Variants in ULK4 observed in about 807,000 individuals in gnomAD.
ULK4 encodes inactive serine/threonine-protein kinase ULK4.
A neutral mutation model predicts 160.6 loss-of-function variants in ULK4; 133 were observed. That is an observed-to-expected ratio of 0.83 (90% CI 0.72 to 0.96). ULK4 has a LOEUF of 0.96. Among genes scored for constraint, ULK4 ranks in the 40% least tolerant of loss-of-function variants. The pLI is 0.00. For synonymous variants in ULK4, 534 were observed against 539.8 expected (o/e 0.99, Z 0.15); for missense variants, 1,580 against 1,499.5 (o/e 1.05, Z -0.89).
rs1019097406 is a variant in ULK4, at chr3:41,835,531, T to C, written c.1764+333A>G. Among the ~76,000 whole-genome samples the C allele has an allele frequency of 2.0e-4, 31 of 152,206 alleles. 1 individual carries two copies. The highest frequency in any genetic ancestry group is 5.2e-4 in the Admixed American group (8 of 15,274). ...TGGAGCTTTCCATGGAAAGAACCAA[T>C]GGTCTCCTCTTGCCTAAAGGAGTAA... On this transcript the variant is annotated intron_variant, in intron 18 of 36. Transcript: ENST00000301831.
At chr3:41,414,315 T>C (rs1311315969) in intron 34 of ULK4, among the ~76,000 whole-genome samples, 2 of 152,206 alleles carry the variant, frequency 1.3e-5, no homozygotes, top group Non-Finnish European at 2.9e-5. Context: ...AAATGCTTTA[T>C]GGGAGAGATG....
chr3:41,336,924 T>A (rs1009703318), intron 35 of ULK4, among the ~76,000 whole-genome samples: 1 of 152,210 alleles, frequency 6.6e-6, no homozygotes, highest in Non-Finnish European at 1.5e-5. Context: ...CAGGGGGCTA[T>A]ACTGCAGCTG....
intron 27 of ULK4, among the ~76,000 whole-genome samples, chr3:41,702,415 G>A (rs2036706561): frequency 6.6e-6 from 1 of 152,122 alleles, no homozygotes; most frequent in Admixed American, 6.5e-5. Context: ...AAAGTGCTGG[G>A]ATTACAGGCA....
At chr3:41,809,626 C>T (rs2040758907) in intron 19 of ULK4, among the ~76,000 whole-genome samples, 1 of 152,150 alleles carries the variant, frequency 6.6e-6, no homozygotes, top group African/African-American at 2.4e-5. Flanking sequence ...TCTGCAGTGT[C>T]ACCTCTGTCA....
At chr3:41,874,624 G>T (rs189776512) in intron 17 of ULK4, among the ~76,000 whole-genome samples, 365 of 152,242 alleles carry the variant, frequency 2.4e-3, no homozygotes, top group African/African-American at 7.8e-3. Context: ...TCCAAATATC[G>T]TATGTTCCCA....
chr3:41,709,655 A>G (rs6794074), intron 25 of ULK4, among the ~76,000 whole-genome samples: 49,622 of 152,048 alleles, frequency 0.33, 12,098 homozygotes, highest in African/African-American at 0.69. Context: ...AAAGTGCTGG[A>G]ATTACAGGCG....
intron 32 of ULK4, among the ~76,000 whole-genome samples, chr3:41,518,142 G>T (rs2085813811): frequency 6.6e-6 from 1 of 152,114 alleles, no homozygotes; most frequent in Non-Finnish European, 1.5e-5. Context: ...GGAGGTAAAT[G>T]ACCTACAATT....
chr3:41,602,251 AAAAGGAAAGGAAAGGAAAGG>A (rs56277936), intron 31 of ULK4, among the ~76,000 whole-genome samples: 1,363 of 86,700 alleles, frequency 0.016, 24 homozygotes, highest in African/African-American at 0.04. Flanking sequence ...AAGGAAGAGA[AAAAGGAAAGGAAAGGAAAGG>A]AAAGGAAAGG....
intron 31 of ULK4, among the ~76,000 whole-genome samples, chr3:41,572,527 G>A (rs557968983): frequency 7.9e-5 from 12 of 151,802 alleles, no homozygotes; most frequent in East Asian, 3.9e-4. Flanking sequence ...TTGGGAGGCC[G>A]AGGCAGGTGG....
intron 3 of ULK4, among the ~76,000 whole-genome samples, chr3:41,936,920 T>C (rs1045902045): frequency 3.3e-5 from 5 of 152,164 alleles, no homozygotes; most frequent in African/African-American, 1.2e-4. Context: ...TATAATTGGA[T>C]TGTAACACAA....
At position 41,249,582 on chromosome 3, in the gene ULK4, G is replaced by A. The variant is rs778405040; in HGVS notation, c.3679-8C>T. On this transcript the variant is annotated splice_polypyrimidine_tract_variant and splice_region_variant and intron_variant, in intron 35 of 36. Coordinates refer to ENST00000301831, the MANE Select transcript of ULK4 (RefSeq NM_017886.4). Reference sequence around the variant, plus strand: ...CTTCTCATTGGAGGTGATCTGCAAGGGCAGGAGGAAGAAGACAGTGGTCAG... The same window carrying A: ...CTTCTCATTGGAGGTGATCTGCAAGAGCAGGAGGAAGAAGACAGTGGTCAG... The A allele has an allele frequency of 6.2e-7, 1 of 1,613,132 alleles. No homozygotes were observed. Among genetic ancestry groups the A allele is most frequent in the East Asian group, 2.2e-5 (1 of 44,850 alleles).
chr3:41,944,211 G>A (rs1488240035), intron 2 of ULK4, among the ~76,000 whole-genome samples: 1 of 152,192 alleles, frequency 6.6e-6, no homozygotes, highest in Non-Finnish European at 1.5e-5. Context: ...CATAAGCCAA[G>A]TTCAATAAGG....
chr3:41,543,342 T>C (rs1300849058), intron 32 of ULK4, among the ~76,000 whole-genome samples: 1 of 152,076 alleles, frequency 6.6e-6, no homozygotes, highest in African/African-American at 2.4e-5. Flanking sequence ...GCCTCATGTA[T>C]ATATATATTT....
At chr3:41,333,548 T>C (rs2080490976) in intron 35 of ULK4, among the ~76,000 whole-genome samples, 1 of 152,192 alleles carries the variant, frequency 6.6e-6, no homozygotes, top group Non-Finnish European at 1.5e-5. Context: ...GCTACCTTTT[T>C]AGTCCTGAAA....
chr3:41,427,269 A>G (rs569207622), intron 34 of ULK4, among the ~76,000 whole-genome samples: 1 of 152,278 alleles, frequency 6.6e-6, no homozygotes, highest in South Asian at 2.1e-4. Context: ...AGGCAGTAAT[A>G]AATAGCCTAC....
intron 30 of ULK4, among the ~76,000 whole-genome samples, chr3:41,644,229 G>A (rs1157767530): frequency 6.6e-6 from 1 of 151,904 alleles, no homozygotes; most frequent in African/African-American, 2.4e-5. Context: ...CCAACACTAT[G>A]TTGAATAGGA....
chr3:41,537,482 T>G (rs1330890732), intron 32 of ULK4, among the ~76,000 whole-genome samples: 2 of 152,180 alleles, frequency 1.3e-5, no homozygotes, highest in African/African-American at 4.8e-5. Flanking sequence ...AAAAAGCCTG[T>G]AATGAGTCCT....
intron 27 of ULK4, among the ~76,000 whole-genome samples, chr3:41,682,124 T>C (rs2035943771): frequency 6.6e-6 from 1 of 152,162 alleles, no homozygotes; most frequent in Admixed American, 6.5e-5. Context: ...ATCAAATTAG[T>C]ATGTATAAGC....
intron 2 of ULK4, among the ~76,000 whole-genome samples, 196 bp from the exon 3 acceptor site, chr3:41,938,393 T>G (rs945606769): frequency 6.6e-6 from 1 of 152,144 alleles, no homozygotes; most frequent in Non-Finnish European, 1.5e-5. Context: ...AATAAACTTT[T>G]CTGGCGGTGC....
Sources: gnomAD v4.1 joint callset for allele counts (sites outside exome capture counted in the v4.1 genomes callset) on GRCh38, gnomAD v4.1.1 for gene constraint, MANE v1.5 for transcripts, NCBI Gene and HGNC (gene_info 2026-07-23, HGNC 2026-07-21) for gene names.